The following LHX4 variants were observed in gnomAD, a reference collection of about 807,000 sequenced individuals.
LHX4 encodes the protein LIM homeobox 4.
In LHX4, 16 loss-of-function variants were observed where a neutral mutation model predicts 39.2. The ratio of observed to expected loss-of-function variants is 0.41; its 90% CI spans 0.28 to 0.62. The LOEUF is 0.62. Ranked by LOEUF, LHX4 falls within the 20% of genes least tolerant of loss-of-function variation. LHX4 has a pLI of 0.33. For synonymous variants in LHX4, 206 were observed against 198.1 expected, an observed-to-expected ratio of 1.04 and a Z score of -0.33; for missense variants, 439 against 511.9, an observed-to-expected ratio of 0.86 and a Z score of 1.37.
At chr1:180,248,847 T>G (rs762143285) in intron 2 of LHX4, 44 of 318,298 alleles carry the variant, frequency 1.4e-4, no homozygotes, top group Non-Finnish European at 2.2e-4. Flanking sequence ...CCCACAACTT[T>G]CAGAGCAGCT....
intron 3 of LHX4, among the ~76,000 whole-genome samples, chr1:180,269,254 G>A (rs1444862575): frequency 6.6e-6 from 1 of 151,956 alleles, no homozygotes; most frequent in Non-Finnish European, 1.5e-5. Flanking sequence ...CTTGCAGAAC[G>A]CTCTCTCCTA....
In LHX4 at chr1:180,230,669, CGGGGCGGGCCGGACGCCGCTCA is replaced by C; in HGVS notation, c.76+70_76+91del. On this transcript the variant is annotated intron_variant, in intron 1 of 5. Transcript: ENST00000263726. The surrounding 1 kb of genome is among the most constrained non-coding windows in gnomAD (Gnocchi z 5.8). ...AGACAGCTAGCAGCCTCAGCCGCTG[CGGGGCGGGCCGGACGCCGCTCA>C]GGGGCCGGGAGGGGCTGGCGGCCGG... The C allele has an allele frequency of 6.8e-7, 1 of 1,480,400 alleles. No homozygotes were observed. Among genetic ancestry groups the C allele is most frequent in the Non-Finnish European group, 9.4e-7 (1 of 1,065,218 alleles). The allele number at this position is 1,480,400 out of a possible 1,614,324, so 91.7% of individuals were successfully genotyped here. A position where few individuals can be genotyped will look rare whatever the true frequency, so the allele number is the denominator to read the frequency against.
At chr1:180,249,000 C>T (rs1007870820) in intron 2 of LHX4, among the ~76,000 whole-genome samples, 8 of 152,180 alleles carry the variant, frequency 5.3e-5, no homozygotes, top group Non-Finnish European at 1.2e-4. Context: ...TATATGGAAA[C>T]ATGACTAAGA....
intron 2 of LHX4, among the ~76,000 whole-genome samples, chr1:180,264,200 C>T (rs1405145328): frequency 6.6e-6 from 1 of 152,150 alleles, no homozygotes; most frequent in East Asian, 1.9e-4. Context: ...GATCCTCCTG[C>T]CTCAGCCTCC....
At chr1:180,243,470 A>C (rs1422598177) in intron 1 of LHX4, among the ~76,000 whole-genome samples, 1 of 152,076 alleles carries the variant, frequency 6.6e-6, no homozygotes, top group Non-Finnish European at 1.5e-5. Context: ...TAAAAATAAT[A>C]ATTTATTACA....
chr1:180,236,074 G>A (rs1185690887), intron 1 of LHX4, among the ~76,000 whole-genome samples: 1 of 152,058 alleles, frequency 6.6e-6, no homozygotes, highest in Admixed American at 6.6e-5. Flanking sequence ...ACAAAGGGGG[G>A]TTAAGGCAAG....
chr1:180,229,339 C>T (rs1174381437), upstream of LHX4, among the ~76,000 whole-genome samples: 2 of 152,188 alleles, frequency 1.3e-5, no homozygotes. Context: ...GGAGGCCCCG[C>T]CGCGGGGAGG....
chr1:180,236,266 C>G (rs1158281478), intron 1 of LHX4, among the ~76,000 whole-genome samples: 1 of 152,176 alleles, frequency 6.6e-6, no homozygotes, highest in African/African-American at 2.4e-5. Flanking sequence ...TAGACAAAAA[C>G]TTGGGCCACA....
chr1:180,250,588 A>G (rs939886466), intron 2 of LHX4, among the ~76,000 whole-genome samples: 1 of 152,142 alleles, frequency 6.6e-6, no homozygotes, highest in Non-Finnish European at 1.5e-5. Flanking sequence ...CTCAGACCCC[A>G]CTGGTTTCTG....
chr1:180,228,733 C>G (rs954845694), upstream of LHX4, among the ~76,000 whole-genome samples: 1 of 152,198 alleles, frequency 6.6e-6, no homozygotes. Context: ...GAGACAAATT[C>G]TAAGCAGCGC....
upstream of LHX4, among the ~76,000 whole-genome samples, chr1:180,230,000 G>A (rs1467894994): frequency 8.4e-6 from 1 of 118,350 alleles, no homozygotes; most frequent in African/African-American, 4.0e-5. Context: ...GCCCCGCCCC[G>A]CTCCCTGCCG....
intron 2 of LHX4, among the ~76,000 whole-genome samples, chr1:180,258,812 AATAGTAATAATAATG>A (rs1010390500): frequency 1.3e-5 from 2 of 151,368 alleles, no homozygotes; most frequent in Non-Finnish European, 2.9e-5. Flanking sequence ...TCCAAATAAT[AATAGTAATAATAATG>A]ATAGTAATAA....
chr1:180,271,196 C>T, intron 3 of LHX4, 184 bp from the exon 4 acceptor site: 1 of 679,746 alleles, frequency 1.5e-6, no homozygotes, highest in Non-Finnish European at 2.7e-6. Flanking sequence ...CTTGGGAAGG[C>T]CCGTGGTGCA....
intron 1 of LHX4, among the ~76,000 whole-genome samples, chr1:180,238,633 A>G (rs887544288): frequency 4.6e-5 from 7 of 152,200 alleles, no homozygotes; most frequent in South Asian, 2.1e-4. Context: ...TAAAGAATTA[A>G]TGTTGGAATT....
At chr1:180,242,049 A>G (rs185716013) in intron 1 of LHX4, among the ~76,000 whole-genome samples, 1 of 151,468 alleles carries the variant, frequency 6.6e-6, no homozygotes, top group East Asian at 1.9e-4. Context: ...AGTATTTTTG[A>G]GCCCTTTCCA....
At chr1:180,244,960 C>T (rs1193255906) in intron 1 of LHX4, among the ~76,000 whole-genome samples, 1 of 152,228 alleles carries the variant, frequency 6.6e-6, no homozygotes, top group Non-Finnish European at 1.5e-5. Flanking sequence ...CACGGCTGTG[C>T]CCCGCTGTCG....
In LHX4 at chr1:180,232,748, G is replaced by T. The variant is rs1365751728; in HGVS notation, c.76+2143G>T. On this transcript the variant is annotated intron_variant, in intron 1 of 5. Transcript: ENST00000263726. This position sits in a 1 kb window ranked among gnomAD's most constrained non-coding sequence, Gnocchi z 5.4. ...GGCCTCTGGCTGTTAGGCTGTTGGTGCTGGGACCGCGGGATAGGTCCCCAT... is the reference window on the plus strand; with the variant it reads ...GGCCTCTGGCTGTTAGGCTGTTGGTTCTGGGACCGCGGGATAGGTCCCCAT... 6.6e-6 allele frequency among the ~76,000 whole-genome samples: 1 copy of T among 152,240 alleles called. No individual in the cohort carries two copies. The highest frequency in any genetic ancestry group is 1.5e-5 in the Non-Finnish European group (1 of 68,038).
At chr1:180,248,840 A>G in intron 2 of LHX4, 1 of 319,078 alleles carries the variant, frequency 3.1e-6, no homozygotes, top group Non-Finnish European at 6.2e-6. Flanking sequence ...TAACATTCCC[A>G]CAACTTTCAG....
At chr1:180,231,291 A>C (rs1360721943) in intron 1 of LHX4, among the ~76,000 whole-genome samples, 1 of 151,964 alleles carries the variant, frequency 6.6e-6, no homozygotes, top group Non-Finnish European at 1.5e-5. Flanking sequence ...ACGCGAGGGC[A>C]GGTGCTCAGG....
Sources: gnomAD v4.1 joint callset for allele counts (sites outside exome capture counted in the v4.1 genomes callset) on GRCh38, gnomAD v4.1.1 for gene constraint, Gnocchi (gnomAD v3.1) non-coding constraint, MANE v1.5 for transcripts, NCBI Gene and HGNC (gene_info 2026-07-23, HGNC 2026-07-21) for gene names.